INF2: variants seen among roughly 807,000 people sequenced by gnomAD.
INF2 encodes inverted formin 2.
A neutral mutation model predicts 123.5 loss-of-function variants in INF2; 43 were observed. The ratio of observed to expected loss-of-function variants is 0.35; its 90% CI spans 0.27 to 0.45. The LOEUF is 0.45. Among genes scored for constraint, INF2 ranks in the 20% least tolerant of loss-of-function variants. The pLI is 1.00. For missense variants in INF2, 1,453 were observed against 1,682.7 expected (o/e 0.86, Z 2.39); for synonymous variants, 851 against 745.0 (o/e 1.14, Z -2.32).
chr14:104,703,950 G>T lies in INF2; in HGVS notation c.701+1G>T. On this transcript the variant is annotated splice_donor_variant, in intron 5 of 22. Transcript: ENST00000392634. LOFTEE classifies it high-confidence loss of function. ...TGCTGGACGTCCTGGCTCGCCTGCG[G>T]TGAGTCCCCACTGTAGCGGTCCTGC... 6.2e-7 allele frequency: 1 copy of T among 1,610,186 alleles called. No individual in the cohort carries two copies.
chr14:104,703,555 G>T lies in INF2; in HGVS notation c.667+101G>T. ...GGGAGGTGGGAGCGCCACAAAAGCTGCCCCCGACCCAGGGCCCCAGAGGAA... is the reference window on the plus strand; with the variant it reads ...GGGAGGTGGGAGCGCCACAAAAGCTTCCCCCGACCCAGGGCCCCAGAGGAA... On this transcript the variant is annotated intron_variant, in intron 4 of 22. Coordinates refer to ENST00000392634, the MANE Select transcript of INF2 (RefSeq NM_022489.4). 8 of 1,489,348 alleles carry T rather than the reference G, an allele frequency of 5.4e-6. No homozygotes were observed. The South Asian group carries it at 7.9e-5, about 15-fold the overall frequency. The allele number at this position is 1,489,348 out of a possible 1,614,324, so 92.3% of individuals were successfully genotyped here.
chr14:104,706,279 C>G, intron 6 of INF2, 103 bp downstream of exon 6: 2 of 1,200,684 alleles, frequency 1.7e-6, no homozygotes, highest in Non-Finnish European at 2.3e-6. Flanking sequence ...CTGGTCAGAC[C>G]CTGCTGTGAC....
rs988335121 is a variant in INF2 at position 104,689,669 on chromosome 14, C to T, written c.-80C>T. ...GGAGCGCGGCAGTGGGCGCCGGCTG[C>T]CCGCAGCCCCTGACCCGGCCCCGGA... On this transcript the variant is annotated 5_prime_UTR_variant, in exon 1 of 23. Transcript: ENST00000392634. 8 of 983,948 alleles carry T rather than the reference C, an allele frequency of 8.1e-6. No individual in the cohort carries two copies. In the African/African-American group the frequency reaches 1.0e-4, roughly 13 times the overall value. 61.0% of individuals were successfully genotyped at this position (983,948 alleles called of 1,614,324 possible). A position where few individuals can be genotyped will look rare whatever the true frequency, so the allele number is the denominator to read the frequency against.
At chr14:104,702,994 C>A in intron 2 of INF2, 111 bp from the exon 3 acceptor site, 1 of 844,866 alleles carries the variant, frequency 1.2e-6, no homozygotes, top group Non-Finnish European at 1.9e-6. Context: ...AAGTGCCCGG[C>A]ACCCCCTGGC....
rs1321520699 is a variant in INF2, at chr14:104,703,315, C to T, written c.528C>T (p.Tyr176=). 6.2e-7 allele frequency: 1 copy of T among 1,613,158 alleles called. No individual in the cohort carries two copies. Among genetic ancestry groups the T allele is most frequent in the Non-Finnish European group, 8.5e-7 (1 of 1,179,944 alleles). ...DHYKTVCSQQ[Y]RFSIVMNELS... The stretch of plus-strand genomic sequence containing the variant: ...CACAGACGGTGTGCAGCCAGCAGTA[C>T]CGCTTCAGCATTGTCATGAACGAGC... Residue 176 remains tyrosine (Y), a synonymous_variant, in exon 4 of 23, where the codon TAC becomes TAT. Coordinates refer to ENST00000392634, the MANE Select transcript of INF2 (RefSeq NM_022489.4).
In INF2 at chr14:104,701,455, G is replaced by A. The variant is rs1889490074; in HGVS notation, c.90G>A (p.Leu30=). The A allele has an allele frequency of 1.3e-6, 2 of 1,598,510 alleles. No individual in the cohort carries two copies. The highest frequency in any genetic ancestry group is 1.7e-6 in the Non-Finnish European group (2 of 1,172,792). ...ATTCGGACCCCACGGAGGCCAACCT[G>A]GAGAGCGCGGACCCCGAGCTGTGCA... The part of the protein sequence containing the change: ...PQDSDPTEAN[L]ESADPELCIR... The change falls in exon 2 of 23, where the codon CTG becomes CTA. Residue 30 remains leucine (L), a synonymous_variant. Coordinates refer to ENST00000392634, the MANE Select transcript of INF2 (RefSeq NM_022489.4).
At chr14:104,681,475 G>C (rs530355709) in exon 1 of INF2, 1 of 935,756 alleles carries the variant, frequency 1.1e-6, no homozygotes, top group African/African-American at 1.7e-5. Flanking sequence ...AAAGCACTCA[G>C]CTAAGCCCTA....
rs74091124 is a variant in INF2 at position 104,699,480 on chromosome 14, G to A, written c.-9-1877G>A. The A allele has an allele frequency of 9.7e-4, 957 of 985,328 alleles. 8 individuals carry two copies. In the African/African-American group the frequency reaches 0.015, roughly 16 times the overall value. 61.0% of individuals were successfully genotyped at this position (985,328 alleles called of 1,614,324 possible). A position where few individuals can be genotyped will look rare whatever the true frequency, so the allele number is the denominator to read the frequency against. On this transcript the variant is annotated intron_variant, in intron 1 of 22. Transcript: ENST00000392634. The surrounding 1 kb of genome is among the most constrained non-coding windows in gnomAD (Gnocchi z 4.7). ...ACCTGAGGCTGCCTGGGAGGGACCC[G>A]GCTGTCTCTGGCAGCTCAGCGGTCA...
At chr14:104,684,617 G>T (rs1334774470), upstream of INF2, 4 of 153,774 alleles carry the variant, frequency 2.6e-5, no homozygotes, top group East Asian at 7.7e-4. This position sits in a 1 kb window ranked among gnomAD's most constrained non-coding sequence, Gnocchi z 5.0. Context: ...GGCCCTGGAG[G>T]TGTTGCAGAG....
rs772397563 is a variant in INF2, at chr14:104,708,656, TG to T, written c.1888-9del. 10 of 1,612,338 alleles carry T rather than the reference TG, an allele frequency of 6.2e-6. No homozygotes were observed. Among genetic ancestry groups the T allele is most frequent in the African/African-American group, 4.0e-5 (3 of 74,754 alleles). ...CACCCTCCGGTACCAGCCTGTTGGG[TG>T]GGGGGTTTTCTAGATCACTTTCCTC... On this transcript the variant is annotated splice_polypyrimidine_tract_variant and intron_variant, in intron 9 of 22. Coordinates refer to ENST00000392634, the MANE Select transcript of INF2 (RefSeq NM_022489.4).
intron 1 of INF2, among the ~76,000 whole-genome samples, chr14:104,697,536 C>T (rs1889245708): frequency 6.6e-6 from 1 of 152,274 alleles, no homozygotes; most frequent in African/African-American, 2.4e-5. Flanking sequence ...TCCCCACCCA[C>T]ACCACACACT....
rs542121591 is a variant in INF2, at chr14:104,699,583, G to A, written c.-9-1774G>A. Reference sequence around the variant, plus strand: ...AGTGGGTGGGCAGAGGTGGCCGGAAGGTCTTGCGCATCTGGGTGAGTGGAC... The same window carrying A: ...AGTGGGTGGGCAGAGGTGGCCGGAAAGTCTTGCGCATCTGGGTGAGTGGAC... On this transcript the variant is annotated intron_variant, in intron 1 of 22. Coordinates refer to ENST00000392634, the MANE Select transcript of INF2 (RefSeq NM_022489.4). The surrounding 1 kb of genome is among the most constrained non-coding windows in gnomAD (Gnocchi z 4.7). 7.4e-4 allele frequency: 731 copies of A among 985,282 alleles called. 2 individuals carry two copies. The highest frequency in any genetic ancestry group is 4.2e-3 in the Middle Eastern group (8 of 1,914). The allele number at this position is 985,282 out of a possible 1,614,324, so 61.0% of individuals were successfully genotyped here.
chr14:104,719,484 C>T lies in INF2; in HGVS notation c.*691C>T, dbSNP rs1327942799. The T allele has an allele frequency of 2.6e-5, 4 of 152,172 alleles. No individual in the cohort carries two copies. Among genetic ancestry groups the T allele is most frequent in the Non-Finnish European group, 5.9e-5 (4 of 68,044 alleles). 9.4% of individuals were successfully genotyped at this position (152,172 alleles called of 1,614,324 possible). A position where few individuals can be genotyped will look rare whatever the true frequency, so the allele number is the denominator to read the frequency against. On this transcript the variant is annotated 3_prime_UTR_variant, in exon 23 of 23. Coordinates refer to ENST00000392634, the MANE Select transcript of INF2 (RefSeq NM_022489.4). Reference sequence around the variant, plus strand: ...CCACCTGAGGGGCTGCAGGGTGACACCCAGCAGCCGCTGCCCCCTCACTGC... The same window carrying T: ...CCACCTGAGGGGCTGCAGGGTGACATCCAGCAGCCGCTGCCCCCTCACTGC...
Position 104,699,270 on chromosome 14 carries a change from C to A in INF2, c.-9-2087C>A. ...GCCTGGGAGAGTTCATAACTCCGTC[C>A]ACTCAGCCTGTGCCAAGGGGACAGG... is the stretch of plus-strand genomic sequence containing the variant. On this transcript the variant is annotated intron_variant, in intron 1 of 22. Coordinates refer to ENST00000392634, the MANE Select transcript of INF2 (RefSeq NM_022489.4). This position sits in a 1 kb window ranked among gnomAD's most constrained non-coding sequence, Gnocchi z 4.7. The A allele has an allele frequency of 2.5e-6, 1 of 394,722 alleles. No homozygotes were observed. Among genetic ancestry groups the A allele is most frequent in the Non-Finnish European group, 3.4e-6 (1 of 291,536 alleles). 24.5% of individuals were successfully genotyped at this position (394,722 alleles called of 1,614,324 possible). A position where few individuals can be genotyped will look rare whatever the true frequency, so the allele number is the denominator to read the frequency against.
At chr14:104,716,104 C>A (rs1333794821) in intron 22 of INF2, 1 of 371,434 alleles carries the variant, frequency 2.7e-6, no homozygotes, top group African/African-American at 2.1e-5. Context: ...AGCAGAGAAC[C>A]AGAAGGTCCA....
chr14:104,709,669 C>G lies in INF2; in HGVS notation c.2102C>G (p.Ala701Gly). 1.2e-6 allele frequency: 2 copies of G among 1,612,718 alleles called. No individual in the cohort carries two copies. Among genetic ancestry groups the G allele is most frequent in the Non-Finnish European group, 1.7e-6 (2 of 1,179,842 alleles). ...GAGGAGCGAGCCAAGCTGGCCAGCG[C>G]CGACCACTTCTACCTCCTCCTGCTG... is the stretch of plus-strand genomic sequence containing the variant. Reference protein sequence around the residue: ...FTEERAKLASADHFYLLLLAI... With the variant: ...FTEERAKLASGDHFYLLLLAI... The change falls in exon 12 of 23, where the codon GCC (alanine) becomes GGC (glycine). Residue 701 changes from alanine to glycine, a missense_variant. Around this residue, in one of 8 missense-constraint regions of INF2, gnomAD observed 192 missense variants for 274.4 expected, o/e 0.70. Coordinates refer to ENST00000392634, the MANE Select transcript of INF2 (RefSeq NM_022489.4).
chr14:104,685,212 C>T (rs1195263156), upstream of INF2, among the ~76,000 whole-genome samples: 3 of 152,178 alleles, frequency 2.0e-5, no homozygotes, highest in Non-Finnish European at 2.9e-5. Flanking sequence ...CTGACTGCCC[C>T]ACCCACCGTC....
intron 15 of INF2, 86 bp downstream of exon 15, chr14:104,711,272 G>A: frequency 8.6e-7 from 1 of 1,168,686 alleles, no homozygotes; most frequent in Non-Finnish European, 1.2e-6. Flanking sequence ...ATACCCCCAT[G>A]CCCACCACTC....
At position 104,717,401 on chromosome 14, in the gene INF2, T is replaced by C. The variant is rs74581094; in HGVS notation, c.*2-1394T>C. 8.6e-3 allele frequency among the ~76,000 whole-genome samples: 1,310 copies of C among 151,912 alleles called. 22 individuals carry two copies. Among genetic ancestry groups the C allele is most frequent in the African/African-American group, 0.031 (1,258 of 41,218 alleles). The stretch of plus-strand genomic sequence containing the variant: ...CCGGGCAGGGTCCGCTGTGGGGCGC[T>C]TCACGTCCACATGCTTCTAATACTC... On this transcript the variant is annotated intron_variant, in intron 22 of 22. Transcript: ENST00000392634.
Sources: allele counts gnomAD v4.1 joint callset (sites outside exome capture counted in the v4.1 genomes callset), GRCh38; gene constraint gnomAD v4.1.1; regional missense constraint gnomAD v4.1.1; non-coding constraint Gnocchi (gnomAD v3.1); transcripts MANE v1.5; gene names NCBI Gene and HGNC (gene_info 2026-07-23, HGNC 2026-07-21).